SGCD: variants seen among roughly 807,000 people sequenced by gnomAD.
SGCD encodes delta-sarcoglycan.
SGCD carries 18 observed loss-of-function variants against 36.6 expected under a neutral mutation model. That is an observed-to-expected ratio of 0.49 (90% CI 0.34 to 0.73). SGCD has a LOEUF of 0.73. Ranked by LOEUF, SGCD falls within the 30% of genes least tolerant of loss-of-function variation. The pLI is 0.01. For synonymous variants in SGCD, 133 were observed against 130.6 expected (o/e 1.02, Z -0.12); for missense variants, 387 against 346.7 (o/e 1.12, Z -0.92).
the SGCD span, among the ~76,000 whole-genome samples, chr5:155,791,036 A>G: frequency 1.3e-4 from 20 of 152,290 alleles, no homozygotes; most frequent in East Asian, 3.7e-3. Flanking sequence ...CAAGTAGAAA[A>G]TATGGATAAT....
intron 1 of SGCD, among the ~76,000 whole-genome samples, chr5:155,991,677 C>A (rs1191255633): frequency 6.6e-6 from 1 of 152,166 alleles, no homozygotes; most frequent in African/African-American, 2.4e-5. Flanking sequence ...TTCTTTTGAA[C>A]TCTCCATTTA....
intron 1 of SGCD, among the ~76,000 whole-genome samples, chr5:155,919,550 G>A (rs1756827909): frequency 6.6e-6 from 1 of 151,860 alleles, no homozygotes; most frequent in African/African-American, 2.4e-5. Context: ...AGCCCTTTTG[G>A]AGATTACAAA....
intron 7 of SGCD, among the ~76,000 whole-genome samples, chr5:156,683,566 G>A (rs1252670346): frequency 1.3e-5 from 2 of 152,152 alleles, no homozygotes; most frequent in Non-Finnish European, 2.9e-5. Context: ...CCTGACACAG[G>A]TCCAAATGTC....
chr5:156,647,741 G>C (rs576593385), intron 7 of SGCD, among the ~76,000 whole-genome samples: 2 of 152,066 alleles, frequency 1.3e-5, no homozygotes, highest in African/African-American at 4.8e-5. Context: ...GGGGTAAAAG[G>C]TTGCCCACTT....
chr5:156,505,628 C>T (rs1326680468), intron 3 of SGCD, among the ~76,000 whole-genome samples: 1 of 152,222 alleles, frequency 6.6e-6, no homozygotes, highest in Non-Finnish European at 1.5e-5. Context: ...GGCAACGTAA[C>T]AGCAGGCCCA....
the SGCD span, among the ~76,000 whole-genome samples, chr5:155,746,832 A>T: frequency 6.6e-6 from 1 of 152,264 alleles, no homozygotes; most frequent in African/African-American, 2.4e-5. Context: ...ATCTCTTAGG[A>T]ATTTCCCCTT....
At chr5:156,567,873 C>T (rs1759562008) in intron 4 of SGCD, among the ~76,000 whole-genome samples, 1 of 152,118 alleles carries the variant, frequency 6.6e-6, no homozygotes, top group East Asian at 1.9e-4. Flanking sequence ...GTGATATGAT[C>T]TTTATTATTG....
chr5:156,248,700 A>T (rs1765500973), intron 3 of SGCD, among the ~76,000 whole-genome samples: 1 of 152,188 alleles, frequency 6.6e-6, no homozygotes, highest in Non-Finnish European at 1.5e-5. Flanking sequence ...TGACAAGACA[A>T]CTCTGGCCAC....
intron 2 of SGCD, among the ~76,000 whole-genome samples, chr5:156,338,283 C>T (rs867283991): frequency 6.6e-6 from 1 of 152,170 alleles, no homozygotes; most frequent in African/African-American, 2.4e-5. Flanking sequence ...ATTTGTTCTT[C>T]TCCTGAAGAA....
intron 3 of SGCD, among the ~76,000 whole-genome samples, chr5:156,493,222 A>G (rs185319074): frequency 6.6e-6 from 1 of 152,160 alleles, no homozygotes; most frequent in African/African-American, 2.4e-5. Context: ...TAATTAACAT[A>G]TCTATTACTT....
intron 1 of SGCD, among the ~76,000 whole-genome samples, chr5:156,035,628 A>G (rs1041697386): frequency 2.0e-5 from 3 of 152,148 alleles, no homozygotes; most frequent in African/African-American, 7.2e-5. Flanking sequence ...AATAAAAAAT[A>G]ATAATAAAAA....
rs1472038961 is a variant in SGCD at position 156,423,516 on chromosome 5, G to T, written c.192+78839G>T. 1.9e-4 allele frequency among the ~76,000 whole-genome samples: 27 copies of T among 143,436 alleles called. No individual in the cohort carries two copies. In the Admixed American group the frequency reaches 2.0e-3, roughly 11 times the overall value. 94.1% of individuals were successfully genotyped at this position (143,436 alleles called of 152,430 possible). On this transcript the variant is annotated intron_variant, in intron 3 of 8. Coordinates refer to ENST00000337851, the MANE Select transcript of SGCD (RefSeq NM_000337.6). ...TGGCAAAGGGTACAGGTCTACTGGA[G>T]TTCCCTGTACCTTCGATGTGAAGGT...
rs371924676 is a variant in SGCD, at chr5:156,724,455, AC to A, written c.576-33125del. Among the ~76,000 whole-genome samples, 861 of 152,130 alleles carry A rather than the reference AC, an allele frequency of 5.7e-3. 4 individuals are homozygous for A. Among genetic ancestry groups the A allele is most frequent in the African/African-American group, 0.019 (794 of 41,502 alleles). ...CCGCCTCTATTAAAAATACAAAAAA[AC>A]ATTAGCTAGGCATGGTGGCGGGCAC... On this transcript the variant is annotated intron_variant, in intron 7 of 8. Coordinates refer to ENST00000337851, the MANE Select transcript of SGCD (RefSeq NM_000337.6).
chr5:156,616,998 A>C (rs1762045863), intron 6 of SGCD, among the ~76,000 whole-genome samples: 1 of 152,168 alleles, frequency 6.6e-6, no homozygotes, highest in Non-Finnish European at 1.5e-5. Context: ...CCAGTTCCTG[A>C]TCTGTGCCTC....
chr5:155,930,267 A>ATGACAAAT (rs1487313605), intron 1 of SGCD, among the ~76,000 whole-genome samples: 1 of 152,200 alleles, frequency 6.6e-6, no homozygotes, highest in Non-Finnish European at 1.5e-5. Flanking sequence ...AAGAAAAATG[A>ATGACAAAT]TGACAAATTA....
At chr5:155,873,385 T>C (rs973880390) in intron 1 of SGCD, among the ~76,000 whole-genome samples, 2 of 152,130 alleles carry the variant, frequency 1.3e-5, no homozygotes, top group African/African-American at 4.8e-5. Flanking sequence ...TTGTCTTAAG[T>C]GAAATAACTC....
chr5:156,003,522 G>A (rs559514533), intron 1 of SGCD, among the ~76,000 whole-genome samples: 1 of 152,294 alleles, frequency 6.6e-6, no homozygotes, highest in South Asian at 2.1e-4. Context: ...GGGTTTTAAG[G>A]GAAGTCACCA....
upstream of SGCD, among the ~76,000 whole-genome samples, chr5:155,869,769 G>A (rs190721442): frequency 6.6e-6 from 1 of 152,106 alleles, no homozygotes; most frequent in Non-Finnish European, 1.5e-5. Flanking sequence ...GAGAGGCCAA[G>A]GTGGGCGGAT....
the SGCD span, among the ~76,000 whole-genome samples, chr5:155,853,388 CAGTT>C: frequency 3.3e-5 from 5 of 151,558 alleles, no homozygotes; most frequent in African/African-American, 9.7e-5. Flanking sequence ...TAGAATTTGT[CAGTT>C]AGAAAAAAAA....
Sources: allele counts gnomAD v4.1 joint callset (sites outside exome capture counted in the v4.1 genomes callset), GRCh38; gene constraint gnomAD v4.1.1; transcripts MANE v1.5; gene names NCBI Gene and HGNC (gene_info 2026-07-23, HGNC 2026-07-21).